The following COL4A4 variants were observed in gnomAD, a reference collection of about 807,000 sequenced individuals.
COL4A4 encodes the protein collagen alpha-4(IV) chain.
Under a neutral mutation model 192.9 loss-of-function variants are expected in COL4A4, and 105 were observed. That is an observed-to-expected ratio of 0.54 (90% CI 0.46 to 0.64). The LOEUF is 0.64. COL4A4 is among the 30% of genes least tolerant of loss of function. The probability of loss-of-function intolerance (pLI) is 0.00; values close to 1 mark genes in which losing one functional copy is unlikely to be tolerated. For missense variants in COL4A4, 1,967 were observed against 2,169.3 expected (o/e 0.91, Z 1.85); for synonymous variants, 762 against 769.9 (o/e 0.99, Z 0.17).
chr2:227,115,126 C>T (rs773287254), intron 7 of COL4A4, among the ~76,000 whole-genome samples: 1 of 152,018 alleles, frequency 6.6e-6, no homozygotes, highest in Non-Finnish European at 1.5e-5. Context: ...TTTTTAAAAA[C>T]ATAACATGTT....
chr2:227,091,774 T>G (rs2059945559), intron 20 of COL4A4, among the ~76,000 whole-genome samples: 1 of 152,008 alleles, frequency 6.6e-6, no homozygotes, highest in African/African-American at 2.4e-5. Flanking sequence ...CACGTGCCTG[T>G]CATCCCAGCT....
At chr2:227,025,528 A>G (rs1170993646) in intron 43 of COL4A4, among the ~76,000 whole-genome samples, 1 of 152,216 alleles carries the variant, frequency 6.6e-6, no homozygotes, top group Non-Finnish European at 1.5e-5. Flanking sequence ...TGACAGAGAA[A>G]GCCCACATAC....
chr2:227,156,687 T>G (rs2064381085), intron 1 of COL4A4, among the ~76,000 whole-genome samples: 2 of 151,852 alleles, frequency 1.3e-5, no homozygotes, highest in Admixed American at 1.3e-4. Context: ...ACACAAACAG[T>G]CAGCATAGGA....
chr2:227,027,753 G>A, intron 42 of COL4A4, 149 bp downstream of exon 42: 2 of 649,890 alleles, frequency 3.1e-6, no homozygotes, highest in South Asian at 2.0e-5. Context: ...AGACTTTGTA[G>A]TGCGGCCTGA....
the COL4A4 span, among the ~76,000 whole-genome samples, chr2:226,986,242 A>G: frequency 6.6e-6 from 1 of 152,250 alleles, no homozygotes; most frequent in African/African-American, 2.4e-5. Flanking sequence ...AGACTTGGTA[A>G]CAAAATGTAC....
At chr2:227,022,477 C>T (rs776059107) in intron 43 of COL4A4, 7 of 597,568 alleles carry the variant, frequency 1.2e-5, no homozygotes, top group South Asian at 2.8e-5. Context: ...GATGCAGCAA[C>T]GTGATGACCC....
chr2:226,982,112 A>C, the COL4A4 span, among the ~76,000 whole-genome samples: 1 of 152,342 alleles, frequency 6.6e-6, no homozygotes, highest in African/African-American at 2.4e-5. Flanking sequence ...CAGCAAGCAC[A>C]CATCTGGCCA....
At position 227,060,239 on chromosome 2, in the gene COL4A4, C is replaced by G. The variant is rs558925851; in HGVS notation, c.2061G>C (p.Pro687=). 7 of 1,608,650 alleles carry G rather than the reference C, an allele frequency of 4.4e-6. No individual in the cohort carries two copies. The East Asian group carries it at 8.9e-5, about 21-fold the overall frequency. ...GPPGFDGPPG[P]KGFPGPQGAP... is the part of the protein sequence containing the mutation. ...CACCTTGGGGACCTGGAAATCCCTT[C>G]GGACCTAAACAATAATAAAAACAAA... The change falls in exon 27 of 48, where the codon CCG becomes CCC. Residue 687 remains proline (P), a synonymous_variant. Coordinates refer to ENST00000396625, the MANE Select transcript of COL4A4 (RefSeq NM_000092.5).
chr2:227,109,862 C>T (rs1012660335), intron 9 of COL4A4, among the ~76,000 whole-genome samples: 25 of 152,018 alleles, frequency 1.6e-4, no homozygotes, highest in African/African-American at 5.6e-4. Context: ...ACAAATACAT[C>T]CTGTAATAAC....
chr2:226,987,050 C>T, the COL4A4 span, among the ~76,000 whole-genome samples: 3 of 152,122 alleles, frequency 2.0e-5, no homozygotes, highest in Non-Finnish European at 2.9e-5. Context: ...AGCTGGAAAC[C>T]ATCATTCTCA....
chr2:227,041,787 GGAAAGAAAGAAAGAAAGGAAGAAAGAAA>G (rs1971076863), intron 37 of COL4A4, among the ~76,000 whole-genome samples: 5 of 44,150 alleles, frequency 1.1e-4, no homozygotes, highest in East Asian at 1.0e-3. Context: ...AGGAAGGAAG[GGAAAGAAAGAAAGAAAGGAAGAAAGAAA>G]GAAAGAAAGA....
At chr2:227,082,032 G>T in intron 23 of COL4A4, 83 bp downstream of exon 23, 1 of 1,139,792 alleles carries the variant, frequency 8.8e-7, no homozygotes, top group Non-Finnish European at 1.3e-6. Flanking sequence ...ATTGATCTAT[G>T]GTCACAGGGG....
intron 4 of COL4A4, among the ~76,000 whole-genome samples, chr2:227,124,660 A>G (rs2061984920): frequency 6.6e-6 from 1 of 152,172 alleles, no homozygotes; most frequent in Non-Finnish European, 1.5e-5. Flanking sequence ...AGCACAAACC[A>G]TTTGGGGTAT....
rs1347580082 is a variant in COL4A4 at position 227,003,626 on chromosome 2, G to A, written c.*3699C>T. 6.6e-6 allele frequency: 1 copy of A among 152,144 alleles called. No homozygotes were observed. Among genetic ancestry groups the A allele is most frequent in the Non-Finnish European group, 1.5e-5 (1 of 68,040 alleles). 9.4% of individuals were successfully genotyped at this position (152,144 alleles called of 1,614,324 possible). A position where few individuals can be genotyped will look rare whatever the true frequency, so the allele number is the denominator to read the frequency against. On this transcript the variant is annotated 3_prime_UTR_variant, in exon 48 of 48. Transcript: ENST00000396625. ...ACGAGGTTCAAAATAAGATGATAAA[G>A]CCCAATTGTAGTGCACCATTCCATT...
At chr2:227,062,498 T>G in intron 26 of COL4A4, 32 bp downstream of exon 26, 1 of 1,318,402 alleles carries the variant, frequency 7.6e-7, no homozygotes, top group Non-Finnish European at 1.1e-6. Context: ...CTCTGGGAAG[T>G]ATATAAGACA....
downstream of COL4A4, among the ~76,000 whole-genome samples, chr2:227,002,520 T>C (rs564570092): frequency 6.6e-6 from 1 of 152,362 alleles, no homozygotes; most frequent in African/African-American, 2.4e-5. Context: ...CTTTCATTTC[T>C]CTTCTGCGCG....
intron 1 of COL4A4, 148 bp from the exon 2 acceptor site, chr2:227,147,732 G>T: frequency 2.6e-6 from 1 of 381,780 alleles, no homozygotes; most frequent in South Asian, 2.7e-5. Flanking sequence ...ATAAATATCA[G>T]TTTTTATCTT....
chr2:227,124,899 A>G (rs2061998285), intron 4 of COL4A4, among the ~76,000 whole-genome samples: 1 of 152,274 alleles, frequency 6.6e-6, no homozygotes, highest in Non-Finnish European at 1.5e-5. Flanking sequence ...CAGTTTATAC[A>G]TAAACTTCCC....
intron 5 of COL4A4, 21 bp downstream of exon 5, chr2:227,120,993 T>A (rs2125035250): frequency 6.2e-7 from 1 of 1,613,706 alleles, no homozygotes; most frequent in Non-Finnish European, 8.5e-7. Context: ...CATGTGAATC[T>A]CCACATAAGA....
Sources: allele counts gnomAD v4.1 joint callset (sites outside exome capture counted in the v4.1 genomes callset), GRCh38; gene constraint gnomAD v4.1.1; transcripts MANE v1.5; gene names NCBI Gene and HGNC (gene_info 2026-07-23, HGNC 2026-07-21).